The following PRSS12 variants were observed in gnomAD, a reference collection of about 807,000 sequenced individuals.
PRSS12 encodes the protein neurotrypsin.
PRSS12 carries 85 observed loss-of-function variants against 104.4 expected under a neutral mutation model. The ratio of observed to expected loss-of-function variants is 0.81; its 90% CI spans 0.68 to 0.98. PRSS12 has a LOEUF of 0.98. Ranked by LOEUF, PRSS12 falls within the 50% of genes least tolerant of loss-of-function variation. The probability of loss-of-function intolerance (pLI) is 0.00; values close to 1 mark genes in which losing one functional copy is unlikely to be tolerated. For missense variants in PRSS12, 1,141 were observed against 1,139.2 expected (o/e 1.00, Z -0.02); for synonymous variants, 454 against 425.2 (o/e 1.07, Z -0.83).
chr4:118,335,570 TC>T lies in PRSS12; in HGVS notation c.722del (p.Gly241GlufsTer76). ...PIYWSNVRCR[G>X]DEENILLCEK... ...CACAAAGCAGTATATTTTCTTCATCTCCTCGGCAACGGACATTGCTCCAATA... is the reference window on the plus strand; with the variant it reads ...CACAAAGCAGTATATTTTCTTCATCTCTCGGCAACGGACATTGCTCCAATA... On this transcript the variant is annotated frameshift_variant, in exon 3 of 13. Transcript: ENST00000296498. LOFTEE classifies it high-confidence loss of function. The T allele has an allele frequency of 6.2e-7, 1 of 1,614,052 alleles. No individual in the cohort carries two copies. The highest frequency in any genetic ancestry group is 2.2e-5 in the East Asian group (1 of 44,878).
At chr4:118,324,203 T>G (rs1723706756) in intron 4 of PRSS12, among the ~76,000 whole-genome samples, 1 of 151,748 alleles carries the variant, frequency 6.6e-6, no homozygotes, top group Admixed American at 6.6e-5. Flanking sequence ...GACAAAGCAA[T>G]CAACTTAAAA....
At chr4:118,316,454 A>C in intron 5 of PRSS12, 131 bp from the exon 6 acceptor site, 1 of 1,118,996 alleles carries the variant, frequency 8.9e-7, no homozygotes, top group South Asian at 1.3e-5. Flanking sequence ...CTTACATTAC[A>C]TCTGTGCTAA....
rs140334007 is a variant in PRSS12, at chr4:118,352,684, C to T, written c.37G>A (p.Gly13Arg). The change falls in exon 1 of 13, where the codon GGG becomes AGG. Residue 13 changes from glycine (G) to arginine (R), a missense_variant. By Grantham distance (125) the Gly-to-Arg change is moderately radical. Coordinates refer to ENST00000296498, the MANE Select transcript of PRSS12 (RefSeq NM_003619.4). ...LARFVLALML[G>R]ALPEVVGFDS... Reference sequence around the variant, plus strand: ...AAGCCGACCACTTCGGGGAGCGCCCCTAACATCAGGGCTAGCACGAAGCGG... The same window carrying T: ...AAGCCGACCACTTCGGGGAGCGCCCTTAACATCAGGGCTAGCACGAAGCGG... 7.0e-4 allele frequency: 1,123 copies of T among 1,613,198 alleles called. No individual in the cohort carries two copies. Among genetic ancestry groups the T allele is most frequent in the Non-Finnish European group, 9.0e-4 (1,060 of 1,179,462 alleles).
chr4:118,346,315 A>C (rs184107122), intron 1 of PRSS12, among the ~76,000 whole-genome samples: 413 of 152,196 alleles, frequency 2.7e-3, no homozygotes, highest in African/African-American at 9.5e-3. Flanking sequence ...AAATTGATTC[A>C]AGACACATCC....
chr4:118,299,641 T>C (rs778984397), intron 8 of PRSS12, among the ~76,000 whole-genome samples: 4 of 149,546 alleles, frequency 2.7e-5, no homozygotes, highest in African/African-American at 4.9e-5. Context: ...GATCGTGCCA[T>C]TGCACTCCAG....
chr4:118,306,510 A>G (rs759390251), intron 8 of PRSS12, among the ~76,000 whole-genome samples: 25 of 152,192 alleles, frequency 1.6e-4, no homozygotes, highest in Non-Finnish European at 2.5e-4. Flanking sequence ...GGCAAGTCAC[A>G]CAGCAACAGT....
intron 11 of PRSS12, among the ~76,000 whole-genome samples, chr4:118,290,439 C>T (rs576565355): frequency 6.6e-5 from 10 of 152,252 alleles, no homozygotes; most frequent in African/African-American, 1.7e-4. Flanking sequence ...AAATAGGCTT[C>T]TTCAAGTTCT....
At chr4:118,317,127 C>T (rs1723463737) in intron 5 of PRSS12, among the ~76,000 whole-genome samples, 1 of 151,864 alleles carries the variant, frequency 6.6e-6, no homozygotes, top group Non-Finnish European at 1.5e-5. Flanking sequence ...TCTGTCATGT[C>T]AATGCATATA....
At chr4:118,297,790 C>T (rs1743288004) in intron 9 of PRSS12, among the ~76,000 whole-genome samples, 1 of 152,012 alleles carries the variant, frequency 6.6e-6, no homozygotes, top group African/African-American at 2.4e-5. Context: ...ATAAAATGTA[C>T]CACAAATTTC....
chr4:118,333,789 T>G (rs1267750494), intron 3 of PRSS12, among the ~76,000 whole-genome samples: 2 of 152,188 alleles, frequency 1.3e-5, no homozygotes, highest in Non-Finnish European at 2.9e-5. Context: ...TTTTTCTTTT[T>G]GGATGACTGT....
rs1415001544 is a variant in PRSS12, at chr4:118,283,084, A to G, written c.2067T>C (p.Ala689=). Residue 689 remains alanine (A), a synonymous_variant, in exon 12 of 13, where the codon GCT becomes GCC. Coordinates refer to ENST00000296498, the MANE Select transcript of PRSS12 (RefSeq NM_003619.4). ...GAGTATGATAATCTCCAACCCTAAC[A>G]GCATAGCTCCTAGTGCTGTTGCCAT... ...KRYGNSTRSY[A]VRVGDYHTLV... 6.2e-7 allele frequency: 1 copy of G among 1,614,192 alleles called. No individual in the cohort carries two copies. The highest frequency in any genetic ancestry group is 8.5e-7 in the Non-Finnish European group (1 of 1,180,030).
At chr4:118,339,986 T>C (rs1400013051) in intron 1 of PRSS12, among the ~76,000 whole-genome samples, 10 of 152,228 alleles carry the variant, frequency 6.6e-5, no homozygotes, top group African/African-American at 1.4e-4. Flanking sequence ...AAGATAGTTC[T>C]AGTAATGAAA....
At chr4:118,296,760 C>T (rs1340812210) in intron 9 of PRSS12, among the ~76,000 whole-genome samples, 1 of 151,982 alleles carries the variant, frequency 6.6e-6, no homozygotes, top group Non-Finnish European at 1.5e-5. Flanking sequence ...TGGAGAAAGA[C>T]GTTCAACAAT....
intron 11 of PRSS12, among the ~76,000 whole-genome samples, chr4:118,291,519 T>C (rs1016119847): frequency 2.0e-5 from 3 of 152,162 alleles, no homozygotes; most frequent in Admixed American, 6.6e-5. Context: ...AATTATCTTA[T>C]CTCCCTTTAA....
chr4:118,322,025 G>C (rs981235860), intron 4 of PRSS12, among the ~76,000 whole-genome samples: 2 of 152,126 alleles, frequency 1.3e-5, no homozygotes, highest in Non-Finnish European at 2.9e-5. Flanking sequence ...TCTAATGAGA[G>C]GCAAACATTT....
chr4:118,350,957 T>C (rs912242362), intron 1 of PRSS12, among the ~76,000 whole-genome samples: 6 of 152,234 alleles, frequency 3.9e-5, no homozygotes, highest in African/African-American at 7.2e-5. Context: ...TAATCTCTTA[T>C]GGTGAATAAC....
chr4:118,285,681 T>C lies in PRSS12; in HGVS notation c.2040-2570A>G, dbSNP rs557485325. 2.0e-5 allele frequency among the ~76,000 whole-genome samples: 3 copies of C among 152,314 alleles called. No homozygotes were observed. The East Asian group carries it at 5.8e-4, about 29-fold the overall frequency. On this transcript the variant is annotated intron_variant, in intron 11 of 12. Transcript: ENST00000296498. ...TTAGTATGAAAAAAAAACTAAAATATTGTCCCTATAGATAATAAGAATATT... is the reference window on the plus strand; with the variant it reads ...TTAGTATGAAAAAAAAACTAAAATACTGTCCCTATAGATAATAAGAATATT...
intron 6 of PRSS12, among the ~76,000 whole-genome samples, chr4:118,313,860 T>C (rs900819335): frequency 1.3e-5 from 2 of 152,208 alleles, no homozygotes; most frequent in African/African-American, 4.8e-5. Flanking sequence ...GCACTATACC[T>C]AATCCATGAT....
intron 5 of PRSS12, among the ~76,000 whole-genome samples, chr4:118,316,837 A>AAAATATATATATATAT (rs35698159): frequency 8.6e-4 from 85 of 99,154 alleles, no homozygotes; most frequent in African/African-American, 2.3e-3. Context: ...AAAAAAAAAA[A>AAAATATATATATATAT]ATATATATAT....
Sources: allele counts gnomAD v4.1 joint callset (sites outside exome capture counted in the v4.1 genomes callset), GRCh38; gene constraint gnomAD v4.1.1; transcripts MANE v1.5; gene names NCBI Gene and HGNC (gene_info 2026-07-23, HGNC 2026-07-21).